BLOC1S3: variants seen among roughly 807,000 people sequenced by gnomAD.
The protein encoded by BLOC1S3 is biogenesis of lysosomal organelles complex 1 subunit 3.
BLOC1S3 carries 7 observed loss-of-function variants against 9.1 expected under a neutral mutation model. The ratio of observed to expected loss-of-function variants is 0.77; its 90% CI spans 0.44 to 1.45. BLOC1S3 has a LOEUF of 1.45. BLOC1S3 is among the 40% of genes most tolerant of loss of function. The pLI is 0.01. For missense variants in BLOC1S3, 307 were observed against 315.2 expected (o/e 0.97, Z 0.20); for synonymous variants, 145 against 158.4 (o/e 0.92, Z 0.64).
intron 2 of BLOC1S3, among the ~76,000 whole-genome samples, chr19:45,199,992 C>G (rs1055382082): frequency 6.6e-6 from 1 of 151,874 alleles, no homozygotes; most frequent in Non-Finnish European, 1.5e-5. Flanking sequence ...TCTCAAACTC[C>G]TGACCTCAGG....
At position 45,179,955 on chromosome 19, in the gene BLOC1S3, G is replaced by A; in HGVS notation, c.*50G>A. On this transcript the variant is annotated 3_prime_UTR_variant, in exon 2 of 2. Transcript: ENST00000433642. The surrounding 1 kb of genome is among the most constrained non-coding windows in gnomAD (Gnocchi z 4.6). ...CTGCAATTTGGGGGTAGGCCTTGCT[G>A]CCTCTGGGACCTGACTCTGTCTCCT... 1 of 1,582,168 alleles carries A rather than the reference G, an allele frequency of 6.3e-7. No homozygotes were observed. The highest frequency in any genetic ancestry group is 1.4e-5 in the African/African-American group (1 of 72,114).
At chr19:45,190,821 T>TATTTTATTTTATATTTTA (rs1599751332) in intron 2 of BLOC1S3, among the ~76,000 whole-genome samples, 1 of 147,290 alleles carries the variant, frequency 6.8e-6, no homozygotes, top group African/African-American at 2.5e-5. Context: ...TATTTTATTT[T>TATTTTATTTTATATTTTA]TTGAGAGAGA....
intron 3 of BLOC1S3, among the ~76,000 whole-genome samples, chr19:45,203,246 CCTGA>C (rs1969704233): frequency 2.1e-5 from 3 of 145,458 alleles, no homozygotes; most frequent in South Asian, 2.2e-4. Flanking sequence ...GTCCTTGTGG[CCTGA>C]CTGCCTTTCA....
In BLOC1S3 at chr19:45,181,511, A is replaced by G. The variant is rs1969521292; in HGVS notation, c.*1606A>G. The G allele has an allele frequency of 6.0e-6, 1 of 167,128 alleles. No individual in the cohort carries two copies. The highest frequency in any genetic ancestry group is 2.4e-5 in the African/African-American group (1 of 41,476). 10.4% of individuals were successfully genotyped at this position (167,128 alleles called of 1,614,324 possible). A position where few individuals can be genotyped will look rare whatever the true frequency, so the allele number is the denominator to read the frequency against. On this transcript the variant is annotated 3_prime_UTR_variant, in exon 2 of 2. Transcript: ENST00000433642. ...GCCAGATGACAGCACTTTGCAGATAAGAACGATATGATGTGTGGATTTCAC... is the reference window on the plus strand; with the variant it reads ...GCCAGATGACAGCACTTTGCAGATAGGAACGATATGATGTGTGGATTTCAC...
At chr19:45,196,965 G>A (rs1568474310) in intron 2 of BLOC1S3, among the ~76,000 whole-genome samples, 1 of 151,752 alleles carries the variant, frequency 6.6e-6, no homozygotes, top group Non-Finnish European at 1.5e-5. Context: ...GAGTTTGAGT[G>A]GGGAAGTGCT....
chr19:45,190,260 T>C (rs1441643297), intron 2 of BLOC1S3, among the ~76,000 whole-genome samples: 1 of 151,968 alleles, frequency 6.6e-6, no homozygotes, highest in Non-Finnish European at 1.5e-5. Flanking sequence ...ATTCTTTTAA[T>C]TATTTCAATC....
At chr19:45,208,269 G>C (rs1182455053) in intron 3 of BLOC1S3, among the ~76,000 whole-genome samples, 1 of 150,664 alleles carries the variant, frequency 6.6e-6, no homozygotes, top group Non-Finnish European at 1.5e-5. Flanking sequence ...ACCACACCCA[G>C]CCTCTCTTTT....
intron 2 of BLOC1S3, among the ~76,000 whole-genome samples, chr19:45,192,766 C>T (rs1969615724): frequency 6.6e-6 from 1 of 152,114 alleles, no homozygotes; most frequent in African/African-American, 2.4e-5. Context: ...CGCTATCCTA[C>T]GGTGGCTGAG....
intron 2 of BLOC1S3, among the ~76,000 whole-genome samples, chr19:45,188,547 CTAA>C (rs1407073800): frequency 1.8e-5 from 2 of 112,110 alleles, no homozygotes; most frequent in African/African-American, 9.2e-5. Context: ...TTCATTCTTT[CTAA>C]TTATTATTAT....
chr19:45,189,688 G>A (rs536851383), intron 2 of BLOC1S3, among the ~76,000 whole-genome samples: 19 of 149,174 alleles, frequency 1.3e-4, no homozygotes, highest in African/African-American at 4.2e-4. Flanking sequence ...CAGGTGATCC[G>A]CCCGCCCAAA....
intron 3 of BLOC1S3, among the ~76,000 whole-genome samples, chr19:45,206,462 T>TTTTTTTTTTTTTTTTTG (rs970984062): frequency 2.3e-4 from 26 of 115,504 alleles, no homozygotes; most frequent in African/African-American, 3.2e-4. Context: ...TTTTTTTTTT[T>TTTTTTTTTTTTTTTTTG]TTTTTTTTTT....
At chr19:45,189,964 C>G (rs1432625581) in intron 2 of BLOC1S3, among the ~76,000 whole-genome samples, 2 of 151,886 alleles carry the variant, frequency 1.3e-5, no homozygotes, top group Non-Finnish European at 2.9e-5. Flanking sequence ...CTTTTGTCTC[C>G]TCTGTGTATT....
At chr19:45,196,502 G>T (rs1179228719) in intron 2 of BLOC1S3, among the ~76,000 whole-genome samples, 1 of 152,182 alleles carries the variant, frequency 6.6e-6, no homozygotes, top group Non-Finnish European at 1.5e-5. Context: ...CCAAGGAGGA[G>T]GTGCTAGGGG....
downstream of BLOC1S3, among the ~76,000 whole-genome samples, chr19:45,184,357 G>T (rs1334964712): frequency 6.6e-6 from 1 of 152,166 alleles, no homozygotes; most frequent in Non-Finnish European, 1.5e-5. Flanking sequence ...TGTAATCCCA[G>T]CAATTTGGGA....
At chr19:45,213,123 G>A (rs769871520) in intron 3 of BLOC1S3, 1 of 1,567,928 alleles carries the variant, frequency 6.4e-7, no homozygotes, top group Non-Finnish European at 8.6e-7. Context: ...GAGGCAGACA[G>A]GCCAAACTGG....
downstream of BLOC1S3, among the ~76,000 whole-genome samples, chr19:45,181,971 TATTA>T (rs1049311269): frequency 6.6e-6 from 1 of 152,166 alleles, no homozygotes; most frequent in Non-Finnish European, 1.5e-5. Flanking sequence ...ACTCGTATTT[TATTA>T]ATTCAACACA....
chr19:45,187,952 C>T (rs187814104), intron 2 of BLOC1S3, among the ~76,000 whole-genome samples: 1 of 152,128 alleles, frequency 6.6e-6, no homozygotes, highest in African/African-American at 2.4e-5. Context: ...TACAGGCATG[C>T]AATATGTAAC....
intron 2 of BLOC1S3, among the ~76,000 whole-genome samples, chr19:45,194,009 T>C (rs913814943): frequency 7.2e-5 from 10 of 138,226 alleles, no homozygotes; most frequent in Admixed American, 4.6e-4. Flanking sequence ...TTCACCGTGT[T>C]AGCCAGGATG....
At chr19:45,212,394 T>C (rs139897432) in intron 3 of BLOC1S3, among the ~76,000 whole-genome samples, 2 of 152,274 alleles carry the variant, frequency 1.3e-5, no homozygotes, top group Non-Finnish European at 2.9e-5. Flanking sequence ...AACCTCTTTA[T>C]TCTAAGTATC....
Sources: allele counts gnomAD v4.1 joint callset (sites outside exome capture counted in the v4.1 genomes callset), GRCh38; gene constraint gnomAD v4.1.1; non-coding constraint Gnocchi (gnomAD v3.1); transcripts MANE v1.5; gene names NCBI Gene and HGNC (gene_info 2026-07-23, HGNC 2026-07-21).